Variants in DST observed in about 807,000 individuals in gnomAD.
DST encodes the protein bullous pemphigoid antigen.
Under a neutral mutation model 875.2 loss-of-function variants are expected in DST, and 253 were observed. The observed-to-expected ratio is 0.29, with a 90% confidence interval of 0.26 to 0.32. The LOEUF (loss-of-function observed/expected upper bound fraction) is 0.32. Among genes scored for constraint, DST ranks in the 10% least tolerant of loss-of-function variants. DST has a pLI of 1.00. For missense variants in DST, 8,287 were observed against 9,111.6 expected (o/e 0.91, Z 3.68); for synonymous variants, 3,124 against 3,197.1 (o/e 0.98, Z 0.77).
At chr6:56,586,558 A>T (rs1481633477) in intron 49 of DST, among the ~76,000 whole-genome samples, 28 of 152,020 alleles carry the variant, frequency 1.8e-4, no homozygotes, top group Admixed American at 1.6e-3. Context: ...CCAATTTGCC[A>T]GTCTGTGTCT....
At chr6:56,468,232 AATTCT>A (rs1302242419) in intron 98 of DST, among the ~76,000 whole-genome samples, 1 of 152,174 alleles carries the variant, frequency 6.6e-6, no homozygotes, top group African/African-American at 2.4e-5. Flanking sequence ...TTAGTTTCAA[AATTCT>A]GATCATGATG....
intron 5 of DST, among the ~76,000 whole-genome samples, chr6:56,723,937 G>A (rs1223107958): frequency 1.3e-5 from 2 of 152,124 alleles, no homozygotes; most frequent in East Asian, 1.9e-4. Flanking sequence ...CCACAACACC[G>A]GTGTTCCTGG....
chr6:56,615,368 T>A (rs1213773107), intron 36 of DST: 2 of 1,510,564 alleles, frequency 1.3e-6, no homozygotes, highest in Non-Finnish European at 1.8e-6. Context: ...ACTTACTCTA[T>A]TTTGAGCACT....
chr6:56,619,720 G>A, intron 36 of DST: 1 of 1,614,044 alleles, frequency 6.2e-7, no homozygotes, highest in Non-Finnish European at 8.5e-7. Context: ...CAAGCTCTCT[G>A]AGTTGTTGAG....
chr6:56,464,147 G>C (rs2094467658), intron 100 of DST: 1 of 370,212 alleles, frequency 2.7e-6, no homozygotes, highest in Non-Finnish European at 5.2e-6. Context: ...AGACAGACCA[G>C]TAAGGCAGGG....
At chr6:56,678,384 T>C (rs1392116347) in intron 9 of DST, among the ~76,000 whole-genome samples, 1 of 152,230 alleles carries the variant, frequency 6.6e-6, no homozygotes, top group African/African-American at 2.4e-5. Flanking sequence ...TCTGGCTTCA[T>C]CAACATCTCA....
chr6:56,664,106 A>G (rs548701442), intron 10 of DST, among the ~76,000 whole-genome samples: 2 of 152,252 alleles, frequency 1.3e-5, no homozygotes, highest in South Asian at 4.1e-4. Flanking sequence ...TAGTCTTGAC[A>G]TACTTAGTGT....
intron 94 of DST, 103 bp from the exon 95 acceptor site, chr6:56,471,371 T>C: frequency 1.2e-6 from 1 of 803,752 alleles, no homozygotes; most frequent in Non-Finnish European, 1.8e-6. Flanking sequence ...AGTACACATA[T>C]CCTTCCCATT....
At chr6:56,935,577 C>A (rs1812587954) in intron 2 of DST, among the ~76,000 whole-genome samples, 1 of 152,192 alleles carries the variant, frequency 6.6e-6, no homozygotes. Context: ...GCAAGTAGTT[C>A]TTTAACCTCA....
At chr6:56,622,966 G>C (rs1259898420) in intron 36 of DST, among the ~76,000 whole-genome samples, 6 of 151,684 alleles carry the variant, frequency 4.0e-5, no homozygotes, top group African/African-American at 1.5e-4. Context: ...TCAAACCTCA[G>C]TTGCAGAAAC....
At chr6:56,800,907 G>A (rs1393618754) in intron 4 of DST, among the ~76,000 whole-genome samples, 1 of 151,058 alleles carries the variant, frequency 6.6e-6, no homozygotes, top group Admixed American at 6.6e-5. Flanking sequence ...GTAGCCCCAG[G>A]TACTCAGGAG....
chr6:56,733,708 T>G (rs994999290), intron 5 of DST, among the ~76,000 whole-genome samples: 7 of 152,018 alleles, frequency 4.6e-5, no homozygotes, highest in Non-Finnish European at 8.8e-5. Context: ...TGTTTTCCTT[T>G]CAAAGCTAAT....
chr6:56,607,057 T>A lies in DST; in HGVS notation c.7571A>T (p.Asp2524Val), dbSNP rs78168943. The A allele has an allele frequency of 1.5e-4, 237 of 1,613,330 alleles. 1 individual carries two copies. In the East Asian group the frequency reaches 4.7e-3, roughly 32 times the overall value. ...SSNPQVQYHN[D>V]KYISNTSGED... ...ACCAGAAGTATTTGAAATGTATTTA[T>A]CATTGTGATATTGTACTTGAGGATT... is the stretch of plus-strand genomic sequence containing the variant. The change falls in exon 40 of 104, where the codon GAT becomes GTT. Residue 2524 changes from aspartate (D) to valine (V), a missense_variant. Asp to Val is a radical substitution (Grantham distance 152). Around this residue, in one of 10 missense-constraint regions of DST, gnomAD observed 3,138 missense variants for 3,116.6 expected, o/e 1.01. Coordinates refer to ENST00000680361, the MANE Select transcript of DST (RefSeq NM_001374736.1).
intron 63 of DST, 80 bp downstream of exon 63, chr6:56,535,042 T>C: frequency 2.0e-6 from 3 of 1,513,354 alleles, no homozygotes; most frequent in Non-Finnish European, 2.7e-6. Flanking sequence ...TCCTATTAAT[T>C]AAAAGAGTCA....
At chr6:56,531,558 C>T (rs879845749) in intron 64 of DST, among the ~76,000 whole-genome samples, 12 of 152,104 alleles carry the variant, frequency 7.9e-5, no homozygotes, top group Non-Finnish European at 1.5e-4. Flanking sequence ...GAAGTTTAGA[C>T]AAATCCTTCT....
chr6:56,617,954 T>A (rs1211809866), intron 36 of DST: 1 of 1,567,016 alleles, frequency 6.4e-7, no homozygotes. Flanking sequence ...TGACATTAGG[T>A]AGCTGATAAG....
chr6:56,694,472 C>G (rs1317191632), intron 9 of DST, among the ~76,000 whole-genome samples: 1 of 152,120 alleles, frequency 6.6e-6, no homozygotes, highest in African/African-American at 2.4e-5. Context: ...GTAGCAAAAA[C>G]TGAACATCCC....
At chr6:56,550,062 T>C (rs1250258733) in intron 61 of DST, among the ~76,000 whole-genome samples, 1 of 152,198 alleles carries the variant, frequency 6.6e-6, no homozygotes, top group Non-Finnish European at 1.5e-5. Flanking sequence ...TGACACATAG[T>C]AAGCCCATAA....
intron 69 of DST, among the ~76,000 whole-genome samples, chr6:56,519,057 A>T (rs1264421548): frequency 6.6e-6 from 1 of 152,174 alleles, no homozygotes; most frequent in Non-Finnish European, 1.5e-5. Flanking sequence ...GATTCCACAA[A>T]GGGGAGAGAA....
Sources: gnomAD v4.1 joint callset for allele counts (sites outside exome capture counted in the v4.1 genomes callset) on GRCh38, gnomAD v4.1.1 for gene constraint, gnomAD v4.1.1 regional missense constraint, MANE v1.5 for transcripts, NCBI Gene and HGNC (gene_info 2026-07-23, HGNC 2026-07-21) for gene names.